The following NIBAN1 variants were observed in gnomAD, a reference collection of about 807,000 sequenced individuals.
NIBAN1 encodes niban apoptosis regulator 1.
A neutral mutation model predicts 75.1 loss-of-function variants in NIBAN1; 81 were observed. That is an observed-to-expected ratio of 1.08 (90% CI 0.90 to 1.30). The LOEUF is 1.30. Ranked by LOEUF, NIBAN1 falls within the 50% of genes most tolerant of loss-of-function variation. The pLI is 0.00. For synonymous variants in NIBAN1, 436 were observed against 424.8 expected, an observed-to-expected ratio of 1.03 and a Z score of -0.32; for missense variants, 1,133 against 1,128.1, an observed-to-expected ratio of 1.00 and a Z score of -0.06.
intron 1 of NIBAN1, among the ~76,000 whole-genome samples, chr1:184,934,602 AAAAT>A (rs751322588): frequency 4.9e-4 from 74 of 152,312 alleles, no homozygotes; most frequent in Non-Finnish European, 8.5e-4. Flanking sequence ...CATCTCTACA[AAAAT>A]AAATAAATGG....
At position 184,805,973 on chromosome 1, in the gene NIBAN1, A is replaced by G. The variant is rs1166559770; in HGVS notation, c.1419T>C (p.Ile473=). The G allele has an allele frequency of 6.2e-6, 10 of 1,613,972 alleles. No individual in the cohort carries two copies. Among genetic ancestry groups the G allele is most frequent in the Non-Finnish European group, 8.5e-6 (10 of 1,179,806 alleles). ...TTAAGACTCGGAGTTTAACCTTCTCAATGGCAACTGCAGTTTTGGAGGCCT... is the reference window on the plus strand; with the variant it reads ...TTAAGACTCGGAGTTTAACCTTCTCGATGGCAACTGCAGTTTTGGAGGCCT... The part of the protein sequence containing the change: ...QGEASKTAVA[I]EKVKLRVLKQ... The change falls in exon 11 of 14, where the codon ATT becomes ATC. Residue 473 remains isoleucine, a synonymous_variant. Coordinates refer to ENST00000367511, the MANE Select transcript of NIBAN1 (RefSeq NM_052966.4).
intron 5 of NIBAN1, among the ~76,000 whole-genome samples, chr1:184,852,383 G>A (rs146109757): frequency 8.2e-4 from 125 of 152,288 alleles, no homozygotes; most frequent in African/African-American, 3.0e-3. Context: ...CATAGGTGAT[G>A]TCATCTGTGC....
rs1389813381 is a variant in NIBAN1 at position 184,829,461 on chromosome 1, A to ACTCTTTT, written c.717+2385_717+2386insAAAAGAG. On this transcript the variant is annotated intron_variant, in intron 6 of 13. Coordinates refer to ENST00000367511, the MANE Select transcript of NIBAN1 (RefSeq NM_052966.4). ...CAGAAAGGATTTATTAAATACATAT[A>ACTCTTTT]TTCTTTTTTTTTTTTTTTTTTTTGA... Among the ~76,000 whole-genome samples the ACTCTTTT allele has an allele frequency of 1.5e-4, 13 of 84,022 alleles. 3 individuals are homozygous for ACTCTTTT. The highest frequency in any genetic ancestry group is 1.9e-4 in the Non-Finnish European group (7 of 36,512). The allele number at this position is 84,022 out of a possible 152,430, so 55.1% of individuals were successfully genotyped here. A position where few individuals can be genotyped will look rare whatever the true frequency, so the allele number is the denominator to read the frequency against.
At chr1:184,861,526 GAGGGAGGA>G (rs1319658992) in intron 5 of NIBAN1, among the ~76,000 whole-genome samples, 19 of 150,974 alleles carry the variant, frequency 1.3e-4, no homozygotes, top group African/African-American at 2.4e-4. Flanking sequence ...GGGGGAAGAG[GAGGGAGGA>G]AGGGAGGAAG....
chr1:184,880,052 T>C (rs1444761725), intron 5 of NIBAN1, among the ~76,000 whole-genome samples: 1 of 152,246 alleles, frequency 6.6e-6, no homozygotes, highest in Non-Finnish European at 1.5e-5. Flanking sequence ...ATGTGAACAC[T>C]GGCATCTGTT....
intron 1 of NIBAN1, among the ~76,000 whole-genome samples, chr1:184,953,451 C>T (rs1430941283): frequency 2.6e-5 from 4 of 152,176 alleles, no homozygotes; most frequent in Admixed American, 6.5e-5. Flanking sequence ...ATTTTGAAAG[C>T]GTCTTTTACA....
intron 1 of NIBAN1, among the ~76,000 whole-genome samples, chr1:184,907,114 GT>G (rs1008520425): frequency 1.4e-4 from 22 of 151,828 alleles, no homozygotes; most frequent in Admixed American, 2.0e-4. Context: ...TCCAAACACT[GT>G]TTTTTATACA....
intron 1 of NIBAN1, among the ~76,000 whole-genome samples, chr1:184,956,033 G>T (rs1310024420): frequency 1.4e-5 from 2 of 148,032 alleles, no homozygotes; most frequent in South Asian, 2.1e-4. Flanking sequence ...CTTTTTGTTT[G>T]TTTTTTTTTT....
At chr1:184,881,506 C>T (rs988612277) in intron 5 of NIBAN1, among the ~76,000 whole-genome samples, 6 of 152,080 alleles carry the variant, frequency 3.9e-5, no homozygotes, top group Admixed American at 2.0e-4. Context: ...AAAGGGGTCC[C>T]GATCCAGATC....
chr1:184,802,024 A>ACAGC (rs1206512765), intron 12 of NIBAN1, among the ~76,000 whole-genome samples: 2 of 152,146 alleles, frequency 1.3e-5, no homozygotes, highest in Non-Finnish European at 2.9e-5. Flanking sequence ...ATTCTAATAC[A>ACAGC]CAGCTTGGGC....
chr1:184,886,736 T>C (rs906887994), intron 4 of NIBAN1, among the ~76,000 whole-genome samples: 1 of 152,058 alleles, frequency 6.6e-6, no homozygotes, highest in Non-Finnish European at 1.5e-5. Flanking sequence ...CAGGGAAAGG[T>C]AAGGAAGAAG....
At chr1:184,932,814 CCTT>C (rs1657859867) in intron 1 of NIBAN1, among the ~76,000 whole-genome samples, 1 of 152,186 alleles carries the variant, frequency 6.6e-6, no homozygotes, top group Non-Finnish European at 1.5e-5. Flanking sequence ...AAAACTATCT[CCTT>C]CTCTATTCCT....
At chr1:184,899,428 C>G (rs551485027) in intron 1 of NIBAN1, 119 bp from the exon 2 acceptor site, 1 of 1,053,762 alleles carries the variant, frequency 9.5e-7, no homozygotes, top group South Asian at 1.5e-5. Flanking sequence ...ACCCCTGTTT[C>G]TATCCCTCCA....
chr1:184,888,706 G>T (rs988029471), intron 4 of NIBAN1, among the ~76,000 whole-genome samples: 4 of 152,142 alleles, frequency 2.6e-5, no homozygotes, highest in African/African-American at 9.7e-5. Flanking sequence ...TATGATTACA[G>T]CAATAAATCA....
chr1:184,921,148 T>G (rs544203907), intron 1 of NIBAN1, among the ~76,000 whole-genome samples: 1 of 144,136 alleles, frequency 6.9e-6, no homozygotes, highest in Admixed American at 6.9e-5. Flanking sequence ...AAAAAAAAAA[T>G]TAGCCGGGCG....
chr1:184,917,363 G>A lies in NIBAN1; in HGVS notation c.56-18054C>T, dbSNP rs551901022. On this transcript the variant is annotated intron_variant, in intron 1 of 13. Transcript: ENST00000367511. ...ACTACAGACACCCGCCACCACGCCC[G>A]GCTAATTTTTTTTTTTTTTTTTTTT... is the stretch of plus-strand genomic sequence containing the variant. Among the ~76,000 whole-genome samples the A allele has an allele frequency of 1.2e-4, 16 of 132,504 alleles. No homozygotes were observed. In the East Asian group the frequency reaches 3.3e-3, roughly 27 times the overall value. 86.9% of individuals were successfully genotyped at this position (132,504 alleles called of 152,430 possible). A position where few individuals can be genotyped will look rare whatever the true frequency, so the allele number is the denominator to read the frequency against.
intron 1 of NIBAN1, among the ~76,000 whole-genome samples, chr1:184,913,138 T>TATATATATATATATATATATG (rs1553227227): frequency 1.2e-5 from 1 of 82,768 alleles, no homozygotes; most frequent in Admixed American, 9.9e-5. Context: ...ATCATGCAGG[T>TATATATATATATATATATATG]ATATATATAT....
chr1:184,863,322 C>T (rs1037837464), intron 5 of NIBAN1, among the ~76,000 whole-genome samples: 2 of 152,214 alleles, frequency 1.3e-5, no homozygotes, highest in Non-Finnish European at 2.9e-5. Context: ...ACAGAACTGA[C>T]TTGAGGCTTC....
chr1:184,803,745 T>C (rs571556352), intron 11 of NIBAN1, 53 bp from the exon 12 acceptor site: 2 of 1,548,290 alleles, frequency 1.3e-6, no homozygotes, highest in Non-Finnish European at 1.8e-6. Flanking sequence ...TGTTGACTTA[T>C]GTTTACTCAA....
Sources: gnomAD v4.1 joint callset for allele counts (sites outside exome capture counted in the v4.1 genomes callset) on GRCh38, gnomAD v4.1.1 for gene constraint, MANE v1.5 for transcripts, NCBI Gene and HGNC (gene_info 2026-07-23, HGNC 2026-07-21) for gene names.